CDH22: variants seen among roughly 807,000 people sequenced by gnomAD.
CDH22 encodes cadherin-22.
CDH22 carries 30 observed loss-of-function variants against 58.4 expected under a neutral mutation model. That is an observed-to-expected ratio of 0.51 (90% confidence interval 0.38 to 0.70). The LOEUF is 0.70. Among genes scored for constraint, CDH22 ranks in the 30% least tolerant of loss-of-function variants. The probability of loss-of-function intolerance (pLI) is 0.00; values close to 1 mark genes in which losing one functional copy is unlikely to be tolerated. For synonymous variants in CDH22, 513 were observed against 558.2 expected, an observed-to-expected ratio of 0.92 and a Z score of 1.14; for missense variants, 1,014 against 1,233.9, an observed-to-expected ratio of 0.82 and a Z score of 2.67.
chr20:46,177,701 G>A (rs1367069909), intron 11 of CDH22, among the ~76,000 whole-genome samples: 1 of 152,206 alleles, frequency 6.6e-6, no homozygotes, highest in Admixed American at 6.5e-5. Context: ...ATGCTAGGGT[G>A]AGGTTTGGGC....
chr20:46,215,809 G>A (rs556959979), intron 5 of CDH22, among the ~76,000 whole-genome samples: 11 of 152,362 alleles, frequency 7.2e-5, no homozygotes, highest in African/African-American at 2.6e-4. Flanking sequence ...AGAAGACTGG[G>A]TGGGGGTGCG....
chr20:46,194,581 G>A (rs575795453), intron 8 of CDH22, among the ~76,000 whole-genome samples: 1 of 152,328 alleles, frequency 6.6e-6, no homozygotes, highest in African/African-American at 2.4e-5. Flanking sequence ...ACTATTAAGA[G>A]CACCTACTGT....
chr20:46,196,276 T>C (rs996141847), intron 8 of CDH22, among the ~76,000 whole-genome samples: 3 of 151,740 alleles, frequency 2.0e-5, no homozygotes, highest in Non-Finnish European at 4.4e-5. Flanking sequence ...CAGTTATTTG[T>C]GGCAGCTTTT....
intron 3 of CDH22, 64 bp from the exon 4 acceptor site, chr20:46,227,691 C>T (rs577896603): frequency 1.6e-5 from 24 of 1,542,832 alleles, no homozygotes; most frequent in African/African-American, 8.2e-5. Context: ...TCCCCCACTT[C>T]GCCTCACCCC....
At chr20:46,235,675 C>A (rs188520534) in intron 3 of CDH22, among the ~76,000 whole-genome samples, 1 of 152,328 alleles carries the variant, frequency 6.6e-6, no homozygotes, top group African/African-American at 2.4e-5. Flanking sequence ...CTGCCTCTTA[C>A]TCCCCACAAC....
chr20:46,268,279 G>A (rs1426480371), intron 1 of CDH22, among the ~76,000 whole-genome samples: 3 of 152,226 alleles, frequency 2.0e-5, no homozygotes, highest in South Asian at 2.1e-4. Context: ...GCCTGGCCCC[G>A]CTCCGAGGGT....
At chr20:46,192,171 ATT>A (rs1316953600) in intron 8 of CDH22, among the ~76,000 whole-genome samples, 7 of 152,034 alleles carry the variant, frequency 4.6e-5, no homozygotes, top group Admixed American at 4.6e-4. Context: ...ATTTTTGTAT[ATT>A]TTCTTTACTG....
Position 46,251,337 on chromosome 20 carries a change from G to C in CDH22, c.-43C>G, listed in dbSNP as rs1198336429. On this transcript the variant is annotated 5_prime_UTR_variant, in exon 2 of 12. Transcript: ENST00000537909. This position sits in a 1 kb window ranked among gnomAD's most constrained non-coding sequence, Gnocchi z 6.7. ...CTGGGGCCCAGGAGCATGGACGAGA[G>C]GCACCAGGGCGCCGCTGCTTGGTCG... The C allele has an allele frequency of 7.1e-7, 1 of 1,410,714 alleles. No homozygotes were observed. Among genetic ancestry groups the C allele is most frequent in the Non-Finnish European group, 9.2e-7 (1 of 1,091,146 alleles). The allele number at this position is 1,410,714 out of a possible 1,614,324, so 87.4% of individuals were successfully genotyped here. A position where few individuals can be genotyped will look rare whatever the true frequency, so the allele number is the denominator to read the frequency against.
intron 1 of CDH22, among the ~76,000 whole-genome samples, chr20:46,276,111 C>T (rs2086515974): frequency 6.6e-6 from 1 of 152,114 alleles, no homozygotes; most frequent in South Asian, 2.1e-4. Flanking sequence ...GTTGCTGGTG[C>T]CAGGCTGCAG....
intron 8 of CDH22, among the ~76,000 whole-genome samples, chr20:46,192,506 A>G (rs1227352475): frequency 6.6e-6 from 1 of 152,008 alleles, no homozygotes; most frequent in Non-Finnish European, 1.5e-5. Context: ...GTCACAGAGA[A>G]AGACAGAAGC....
Position 46,227,577 on chromosome 20 carries a change from C to T in CDH22, c.601G>A (p.Gly201Ser). The change falls in exon 4 of 12, where the codon GGC becomes AGC. Residue 201 changes from glycine to serine, a missense_variant. Gly to Ser is a moderately conservative substitution (Grantham distance 56). This residue lies in a region of CDH22 where 806 missense variants were observed against 1,038.7 expected (regional missense o/e 0.78). Coordinates refer to ENST00000537909, the MANE Select transcript of CDH22 (RefSeq NM_021248.3). The stretch of plus-strand genomic sequence containing the variant: ...CTGTACACCAGCCGAGCGCTGCTGC[C>T]GTACGTGGGGTCATCCGCATCCGAG... ...MASDADDPTY[G>S]SSARLVYSVL... 2 of 1,612,956 alleles carry T rather than the reference C, an allele frequency of 1.2e-6. No individual in the cohort carries two copies. Among genetic ancestry groups the T allele is most frequent in the Non-Finnish European group, 1.7e-6 (2 of 1,179,774 alleles).
At chr20:46,196,028 A>C (rs1486169278) in intron 8 of CDH22, among the ~76,000 whole-genome samples, 1 of 152,044 alleles carries the variant, frequency 6.6e-6, no homozygotes, top group Non-Finnish European at 1.5e-5. Context: ...AGGAAGCCAA[A>C]TGGACGCTTT....
At chr20:46,283,651 C>T (rs536777505) in intron 1 of CDH22, among the ~76,000 whole-genome samples, 6 of 152,278 alleles carry the variant, frequency 3.9e-5, no homozygotes, top group Non-Finnish European at 8.8e-5. Context: ...GTGTCTGGCT[C>T]ATGCCAGCAC....
chr20:46,262,356 T>C (rs1007236185), intron 1 of CDH22, among the ~76,000 whole-genome samples: 3 of 151,998 alleles, frequency 2.0e-5, no homozygotes, highest in Non-Finnish European at 2.9e-5. Context: ...ATGTACCCCA[T>C]ATACACAGTC....
intron 4 of CDH22, among the ~76,000 whole-genome samples, chr20:46,225,967 C>A (rs997430728): frequency 6.6e-6 from 1 of 152,024 alleles, no homozygotes; most frequent in African/African-American, 2.4e-5. Flanking sequence ...AAACAAAAAC[C>A]CAAAACCCAA....
intron 2 of CDH22, among the ~76,000 whole-genome samples, chr20:46,250,425 G>A (rs1463583601): frequency 6.6e-6 from 1 of 152,220 alleles, no homozygotes. Context: ...GCCTGGTGTG[G>A]GCAAGAAGGG....
rs1292293746 is a variant in CDH22 at position 46,174,759 on chromosome 20, G to A, written c.2234C>T (p.Ser745Leu). Reference protein sequence around the residue: ...QGPPSPEPDFSVFRDFISRKV... With the variant: ...QGPPSPEPDFLVFRDFISRKV... ...GCGGCTGATGAAGTCCCTGAACACT[G>A]AGAAGTCTGGCTCGGGGCTCGGCGG... is the stretch of plus-strand genomic sequence containing the variant. Residue 745 changes from serine to leucine, a missense_variant, in exon 12 of 12, where the codon TCA (serine) becomes TTA (leucine). Around this residue, in one of 2 missense-constraint regions of CDH22, gnomAD observed 208 missense variants for 195.2 expected, o/e 1.07. Transcript: ENST00000537909. The surrounding 1 kb of genome is among the most constrained non-coding windows in gnomAD (Gnocchi z 4.4). The A allele has an allele frequency of 6.5e-7, 1 of 1,542,560 alleles. No homozygotes were observed. Among genetic ancestry groups the A allele is most frequent in the African/African-American group, 1.4e-5 (1 of 72,486 alleles).
At chr20:46,257,096 C>G (rs1457709050) in intron 1 of CDH22, among the ~76,000 whole-genome samples, 1 of 151,548 alleles carries the variant, frequency 6.6e-6, no homozygotes, top group Non-Finnish European at 1.5e-5. Context: ...TCATTTGAGC[C>G]CAGGAGTTCA....
chr20:46,242,931 G>T (rs557460432), intron 2 of CDH22, among the ~76,000 whole-genome samples: 3 of 152,162 alleles, frequency 2.0e-5, no homozygotes, highest in Non-Finnish European at 1.5e-5. Flanking sequence ...GATCTCTTGG[G>T]TGAGGAACCA....
Sources: gnomAD v4.1 joint callset for allele counts (sites outside exome capture counted in the v4.1 genomes callset) on GRCh38, gnomAD v4.1.1 for gene constraint, gnomAD v4.1.1 regional missense constraint, Gnocchi (gnomAD v3.1) non-coding constraint, MANE v1.5 for transcripts, NCBI Gene and HGNC (gene_info 2026-07-23, HGNC 2026-07-21) for gene names.